The following NTN1 variants were observed in gnomAD, a reference collection of about 807,000 sequenced individuals.
The protein encoded by NTN1 is netrin 1, also known as netrin-1.
In NTN1, 11 loss-of-function variants were observed where a neutral mutation model predicts 54.2. That is an observed-to-expected ratio of 0.20 (90% CI 0.13 to 0.34). The LOEUF is 0.34. Ranked by LOEUF, NTN1 falls within the 10% of genes least tolerant of loss-of-function variation. The pLI is 1.00. For missense variants in NTN1, 740 were observed against 893.1 expected, an observed-to-expected ratio of 0.83 and a Z score of 2.18; for synonymous variants, 371 against 382.0, an observed-to-expected ratio of 0.97 and a Z score of 0.33.
At chr17:9,020,908 C>A (rs1418847837), upstream of NTN1, among the ~76,000 whole-genome samples, 1 of 152,202 alleles carries the variant, frequency 6.6e-6, no homozygotes, top group Non-Finnish European at 1.5e-5. Context: ...GGAGTGCGGG[C>A]GAGCAGCCCC....
chr17:9,022,549 C>T lies in NTN1; in HGVS notation c.176C>T (p.Ala59Val). 1.9e-6 allele frequency: 3 copies of T among 1,550,400 alleles called. No individual in the cohort carries two copies. The African/African-American group carries it at 4.1e-5, about 21-fold the overall frequency. ...TGCATCCCGGACTTTGTCAATGCGG[C>T]CTTCGGCAAGGACGTGCGCGTGTCC... is the stretch of plus-strand genomic sequence containing the variant. ...RRCIPDFVNA[A>V]FGKDVRVSST... is the part of the protein sequence containing the mutation. Residue 59 changes from alanine to valine, a missense_variant, in exon 2 of 7, where the codon GCC (alanine) becomes GTC (valine). Ala to Val is a moderately conservative substitution (Grantham distance 64). Transcript: ENST00000173229.
At chr17:9,069,452 C>T (rs1256335126) in intron 2 of NTN1, among the ~76,000 whole-genome samples, 4 of 152,120 alleles carry the variant, frequency 2.6e-5, no homozygotes, top group African/African-American at 9.7e-5. Context: ...ATGAGGAAAC[C>T]TTAGCAGAAC....
At chr17:9,090,963 C>T (rs2092108595) in intron 2 of NTN1, among the ~76,000 whole-genome samples, 1 of 151,948 alleles carries the variant, frequency 6.6e-6, no homozygotes, top group African/African-American at 2.4e-5. Context: ...AAACCCAGGG[C>T]GTGTGAAGCC....
chr17:9,091,610 C>G (rs546987844), intron 2 of NTN1, among the ~76,000 whole-genome samples: 5 of 151,972 alleles, frequency 3.3e-5, no homozygotes, highest in African/African-American at 1.2e-4. Context: ...TGTGCCACCA[C>G]GCCCGGCTGA....
intron 2 of NTN1, among the ~76,000 whole-genome samples, chr17:9,091,653 A>C (rs568188898): frequency 6.6e-6 from 1 of 151,576 alleles, no homozygotes; most frequent in Admixed American, 6.6e-5. Context: ...GGGTTTCTCC[A>C]TGTTGGTCAG....
chr17:9,155,807 G>C (rs1249828950), intron 2 of NTN1, among the ~76,000 whole-genome samples: 1 of 152,164 alleles, frequency 6.6e-6, no homozygotes, highest in Non-Finnish European at 1.5e-5. Flanking sequence ...CTGTTTGGGG[G>C]AACTGTCCTG....
chr17:9,128,082 A>T (rs2142267543), intron 2 of NTN1, among the ~76,000 whole-genome samples: 1 of 152,034 alleles, frequency 6.6e-6, no homozygotes, highest in East Asian at 1.9e-4. Context: ...GCGCCACTGC[A>T]CTCCAGCCTG....
At chr17:9,105,684 CTCTG>C (rs2142246361) in intron 2 of NTN1, among the ~76,000 whole-genome samples, 1 of 151,030 alleles carries the variant, frequency 6.6e-6, no homozygotes, top group African/African-American at 2.4e-5. Flanking sequence ...CTCTCTCTGT[CTCTG>C]TCTCTCTGTC....
intron 2 of NTN1, among the ~76,000 whole-genome samples, chr17:9,139,813 C>G (rs1430952039): frequency 2.0e-5 from 3 of 152,104 alleles, no homozygotes; most frequent in Admixed American, 2.0e-4. Flanking sequence ...CCATCTACAC[C>G]TATCCATCCT....
chr17:9,158,885 G>A (rs2092350493), intron 2 of NTN1, among the ~76,000 whole-genome samples: 2 of 152,194 alleles, frequency 1.3e-5, no homozygotes, highest in South Asian at 4.1e-4. Context: ...TTGGCTTCTG[G>A]CTGCTTTCAG....
At chr17:9,133,899 CTTTTTTTTTTTT>C (rs71361867) in intron 2 of NTN1, among the ~76,000 whole-genome samples, 1 of 85,444 alleles carries the variant, frequency 1.2e-5, no homozygotes, top group Non-Finnish European at 2.2e-5. Context: ...TGGGCCTAGC[CTTTTTTTTTTTT>C]TTTTTTTTTT....
chr17:9,032,808 G>C (rs2091891966), intron 2 of NTN1, among the ~76,000 whole-genome samples: 1 of 152,060 alleles, frequency 6.6e-6, no homozygotes, highest in South Asian at 2.1e-4. Flanking sequence ...TGGGCAGGTC[G>C]ATCTCAGCCA....
chr17:9,036,308 C>T (rs984240081), intron 2 of NTN1, among the ~76,000 whole-genome samples: 2 of 151,486 alleles, frequency 1.3e-5, no homozygotes, highest in Admixed American at 6.6e-5. Context: ...TAGCAGGTGG[C>T]AGAACTGGAA....
chr17:9,234,122 G>A (rs1023283859), intron 6 of NTN1, among the ~76,000 whole-genome samples: 5 of 152,352 alleles, frequency 3.3e-5, no homozygotes, highest in Admixed American at 2.0e-4. Context: ...CCATGTGGGC[G>A]TCTCCTGTGG....
intron 2 of NTN1, among the ~76,000 whole-genome samples, chr17:9,150,672 C>G (rs1019301276): frequency 1.3e-5 from 2 of 152,088 alleles, no homozygotes; most frequent in Non-Finnish European, 2.9e-5. Flanking sequence ...CTGAGTGATT[C>G]TTTTGCAGCA....
At chr17:9,049,708 C>T (rs2091953588) in intron 2 of NTN1, among the ~76,000 whole-genome samples, 4 of 152,236 alleles carry the variant, frequency 2.6e-5, no homozygotes, top group Middle Eastern at 6.8e-3. Context: ...GACGTGAGAC[C>T]AAAAGGCAGT....
At chr17:9,092,888 A>G (rs1322993229) in intron 2 of NTN1, among the ~76,000 whole-genome samples, 1 of 152,144 alleles carries the variant, frequency 6.6e-6, no homozygotes, top group Non-Finnish European at 1.5e-5. Context: ...CCTCCTGAGT[A>G]GCTGGGACTA....
At chr17:9,179,442 A>G (rs1327004728) in intron 3 of NTN1, among the ~76,000 whole-genome samples, 3 of 152,150 alleles carry the variant, frequency 2.0e-5, no homozygotes, top group Non-Finnish European at 4.4e-5. Flanking sequence ...CTGTCAAGGG[A>G]AGGTGTATCC....
At chr17:9,223,572 A>G (rs1905436850) in intron 6 of NTN1, among the ~76,000 whole-genome samples, 2 of 152,120 alleles carry the variant, frequency 1.3e-5, no homozygotes, top group Non-Finnish European at 2.9e-5. Context: ...AAAGAAAGAA[A>G]GGAGCTCATA....
Sources: gnomAD v4.1 joint callset for allele counts (sites outside exome capture counted in the v4.1 genomes callset) on GRCh38, gnomAD v4.1.1 for gene constraint, MANE v1.5 for transcripts, NCBI Gene and HGNC (gene_info 2026-07-23, HGNC 2026-07-21) for gene names.